Variants in EIF4E1B observed in about 807,000 individuals in gnomAD.
EIF4E1B encodes eukaryotic translation initiation factor 4E type 1B.
In EIF4E1B, 22 loss-of-function variants were observed where a neutral mutation model predicts 31.3. The observed-to-expected ratio is 0.70, with a 90% confidence interval of 0.50 to 1.00. The LOEUF (loss-of-function observed/expected upper bound fraction) is 1.00. Among genes scored for constraint, EIF4E1B ranks in the 50% least tolerant of loss-of-function variants. The pLI, the probability that EIF4E1B is intolerant of heterozygous loss-of-function variation, is 0.00. For missense variants in EIF4E1B, 290 were observed against 311.6 expected, an observed-to-expected ratio of 0.93 and a Z score of 0.52; for synonymous variants, 126 against 120.2, an observed-to-expected ratio of 1.05 and a Z score of -0.31.
At chr5:176,644,078 A>T in intron 5 of EIF4E1B, 1 of 556,164 alleles carries the variant, frequency 1.8e-6, no homozygotes, top group Middle Eastern at 4.7e-4. Context: ...AGTGGCTCTG[A>T]AAAGGGCTAC....
chr5:176,642,636 T>C, intron 2 of EIF4E1B, 74 bp from the exon 3 acceptor site: 1 of 1,297,426 alleles, frequency 7.7e-7, no homozygotes, highest in South Asian at 1.5e-5. Flanking sequence ...CCTCACATTC[T>C]GGGGTCACCC....
chr5:176,645,989 T>A lies in EIF4E1B; in HGVS notation c.*9T>A. On this transcript the variant is annotated 3_prime_UTR_variant, in exon 9 of 9. Transcript: ENST00000318682. The surrounding 1 kb of genome is among the most constrained non-coding windows in gnomAD (Gnocchi z 5.4). ...ACAAGTTTGTGGTGTGAGGGGGGCC[T>A]TGGCACCCCTCCTATGTAATGGGAC... The A allele has an allele frequency of 6.3e-7, 1 of 1,583,944 alleles. No individual in the cohort carries two copies. Among genetic ancestry groups the A allele is most frequent in the Non-Finnish European group, 8.6e-7 (1 of 1,163,124 alleles).
intron 2 of EIF4E1B, among the ~76,000 whole-genome samples, 197 bp downstream of exon 2, chr5:176,642,362 G>C (rs1176624908): frequency 6.6e-6 from 1 of 151,546 alleles, no homozygotes; most frequent in Non-Finnish European, 1.5e-5. Flanking sequence ...GATGCCACTG[G>C]GTATGGTGGC....
rs529166516 is a variant in EIF4E1B, at chr5:176,645,111, C to T, written c.361-19C>T. 308 of 1,548,872 alleles carry T rather than the reference C, an allele frequency of 2.0e-4. No homozygotes were observed. The highest frequency in any genetic ancestry group is 2.6e-4 in the Non-Finnish European group (297 of 1,144,878). On this transcript the variant is annotated intron_variant, in intron 6 of 8. Transcript: ENST00000318682. This position sits in a 1 kb window ranked among gnomAD's most constrained non-coding sequence, Gnocchi z 5.4. ...CCTTTGAACACAGGGAGGCAGTTGA[C>T]TTGCCATCTGCCTTGCAGGATGGCA...
intron 5 of EIF4E1B, chr5:176,644,169 T>G: frequency 6.7e-6 from 4 of 594,948 alleles, no homozygotes; most frequent in South Asian, 4.3e-5. Flanking sequence ...TCCCCAGGGG[T>G]TGGCTCAGCC....
At position 176,645,768 on chromosome 5, in the gene EIF4E1B, G is replaced by A; in HGVS notation, c.615-98G>A. The A allele has an allele frequency of 8.4e-7, 1 of 1,194,716 alleles. No homozygotes were observed. The highest frequency in any genetic ancestry group is 1.6e-5 in the South Asian group (1 of 61,802). 74.0% of individuals were successfully genotyped at this position (1,194,716 alleles called of 1,614,324 possible). A position where few individuals can be genotyped will look rare whatever the true frequency, so the allele number is the denominator to read the frequency against. The stretch of plus-strand genomic sequence containing the variant: ...GGTAAGACACAACAGGTGTGGCTGT[G>A]GCCAGAATGAGGGTAGGAGTCTGGT... On this transcript the variant is annotated intron_variant, in intron 8 of 8. Coordinates refer to ENST00000318682, the MANE Select transcript of EIF4E1B (RefSeq NM_001099408.2). This position sits in a 1 kb window ranked among gnomAD's most constrained non-coding sequence, Gnocchi z 5.4.
rs1396241233 is a variant in EIF4E1B at position 176,645,017 on chromosome 5, A to C, written c.361-113A>C. The C allele has an allele frequency of 2.2e-6, 2 of 905,674 alleles. No homozygotes were observed. Among genetic ancestry groups the C allele is most frequent in the African/African-American group, 3.3e-5 (2 of 59,898 alleles). 56.1% of individuals were successfully genotyped at this position (905,674 alleles called of 1,614,324 possible). On this transcript the variant is annotated intron_variant, in intron 6 of 8. Coordinates refer to ENST00000318682, the MANE Select transcript of EIF4E1B (RefSeq NM_001099408.2). This position sits in a 1 kb window ranked among gnomAD's most constrained non-coding sequence, Gnocchi z 5.4. ...TTGCACTGAGGGAAGGGAGGATAAG[A>C]GAATCTGGCCTACTTAGGGCCTCAG...
chr5:176,631,780 G>T (rs773862047), intron 1 of EIF4E1B, among the ~76,000 whole-genome samples: 5 of 152,132 alleles, frequency 3.3e-5, no homozygotes, highest in Non-Finnish European at 7.3e-5. Context: ...AAATGCATGC[G>T]CCTTTGGAGC....
chr5:176,642,870 C>CCCCCCCCCCCCGGGGGGGGGGGGG, intron 3 of EIF4E1B, 68 bp downstream of exon 3: 1 of 1,426,054 alleles, frequency 7.0e-7, no homozygotes, highest in Non-Finnish European at 9.5e-7. Context: ...CCCCCCGCCC[C>CCCCCCCCCCCCGGGGGGGGGGGGG]AGGTGGGCGG....
At chr5:176,633,875 A>G (rs915565090) in intron 1 of EIF4E1B, among the ~76,000 whole-genome samples, 1 of 152,058 alleles carries the variant, frequency 6.6e-6, no homozygotes, top group Non-Finnish European at 1.5e-5. Flanking sequence ...CCAAACGGAG[A>G]TGGGTTGGAG....
chr5:176,645,732 G>A lies in EIF4E1B; in HGVS notation c.615-134G>A. The A allele has an allele frequency of 1.8e-6, 2 of 1,106,966 alleles. No individual in the cohort carries two copies. Among genetic ancestry groups the A allele is most frequent in the Non-Finnish European group, 2.5e-6 (2 of 791,884 alleles). The allele number at this position is 1,106,966 out of a possible 1,614,324, so 68.6% of individuals were successfully genotyped here. ...TTGCATTAAGGGGGTCATATTTTGG[G>A]TTTCCACATGGGTAAGACACAACAG... is the stretch of plus-strand genomic sequence containing the variant. On this transcript the variant is annotated intron_variant, in intron 8 of 8. Coordinates refer to ENST00000318682, the MANE Select transcript of EIF4E1B (RefSeq NM_001099408.2). This position sits in a 1 kb window ranked among gnomAD's most constrained non-coding sequence, Gnocchi z 5.4.
chr5:176,635,736 T>C (rs1315537061), intron 1 of EIF4E1B, among the ~76,000 whole-genome samples: 1 of 152,236 alleles, frequency 6.6e-6, no homozygotes, highest in Non-Finnish European at 1.5e-5. Flanking sequence ...CTGCAGCTCC[T>C]GCCATCATGT....
Position 176,646,578 on chromosome 5 carries a change from G to A in EIF4E1B, c.*598G>A, listed in dbSNP as rs1171646176. ...GGTTCTGGTAGAAGTGGTGGAAGTG[G>A]ATAAACTTGATAATAAAAGCTTAAG... On this transcript the variant is annotated 3_prime_UTR_variant, in exon 9 of 9. Coordinates refer to ENST00000318682, the MANE Select transcript of EIF4E1B (RefSeq NM_001099408.2). The A allele has an allele frequency of 6.6e-6, 1 of 152,296 alleles. No homozygotes were observed. The highest frequency in any genetic ancestry group is 1.5e-5 in the Non-Finnish European group (1 of 68,108). The allele number at this position is 152,296 out of a possible 1,614,324, so 9.4% of individuals were successfully genotyped here. A position where few individuals can be genotyped will look rare whatever the true frequency, so the allele number is the denominator to read the frequency against.
intron 1 of EIF4E1B, among the ~76,000 whole-genome samples, chr5:176,635,826 T>C (rs1028542362): frequency 2.2e-5 from 3 of 139,466 alleles, no homozygotes; most frequent in African/African-American, 6.6e-5. Context: ...CTTTCTTTCC[T>C]TTTTTTTTGA....
At position 176,640,687 on chromosome 5, in the gene EIF4E1B, A is replaced by T. The variant is rs565256461; in HGVS notation, c.-201-1356A>T. 4.6e-5 allele frequency among the ~76,000 whole-genome samples: 7 copies of T among 152,324 alleles called. No homozygotes were observed. The South Asian group carries it at 8.3e-4, about 18-fold the overall frequency. On this transcript the variant is annotated intron_variant, in intron 1 of 8. Coordinates refer to ENST00000318682, the MANE Select transcript of EIF4E1B (RefSeq NM_001099408.2). ...CAATCCAGAGAACCTGCTGAAAAGC[A>T]TATCTGATTGCCTCCCCAGCCAGTC...
intron 1 of EIF4E1B, among the ~76,000 whole-genome samples, chr5:176,632,322 C>A (rs1424396428): frequency 3.9e-5 from 6 of 152,158 alleles, no homozygotes; most frequent in Non-Finnish European, 7.3e-5. Context: ...GTGGTGCAAT[C>A]TTGGGTCACT....
chr5:176,644,691 C>T (rs1760659602), intron 6 of EIF4E1B: 1 of 530,964 alleles, frequency 1.9e-6, no homozygotes, highest in South Asian at 2.6e-5. Flanking sequence ...GGCTCCTTAA[C>T]TAGGGAAGGG....
rs1048611409 is a variant in EIF4E1B, at chr5:176,638,102, G to A, written c.-201-3941G>A. 2.0e-5 allele frequency among the ~76,000 whole-genome samples: 3 copies of A among 152,166 alleles called. No homozygotes were observed. The highest frequency in any genetic ancestry group is 1.3e-4 in the Admixed American group (2 of 15,284). ...ACGGTTGGAAGAACAAGTCTGGAGC[G>A]GGGCAGAGGAGGTGTCAGGAATTCA... On this transcript the variant is annotated intron_variant, in intron 1 of 8. Coordinates refer to ENST00000318682, the MANE Select transcript of EIF4E1B (RefSeq NM_001099408.2). This position sits in a 1 kb window ranked among gnomAD's most constrained non-coding sequence, Gnocchi z 4.3.
At chr5:176,640,404 T>G (rs1482953539) in intron 1 of EIF4E1B, among the ~76,000 whole-genome samples, 1 of 152,246 alleles carries the variant, frequency 6.6e-6, no homozygotes, top group Non-Finnish European at 1.5e-5. Flanking sequence ...GCATAATAAA[T>G]GATGATTATT....
Sources: allele counts gnomAD v4.1 joint callset (sites outside exome capture counted in the v4.1 genomes callset), GRCh38; gene constraint gnomAD v4.1.1; non-coding constraint Gnocchi (gnomAD v3.1); transcripts MANE v1.5; gene names NCBI Gene and HGNC (gene_info 2026-07-23, HGNC 2026-07-21).